NRXN3: variants seen among roughly 807,000 people sequenced by gnomAD.
NRXN3 encodes the protein neurexin III.
NRXN3 carries 32 observed loss-of-function variants against 137.6 expected under a neutral mutation model. That is an observed-to-expected ratio of 0.23 (90% CI 0.18 to 0.31). The LOEUF is 0.31. Among genes scored for constraint, NRXN3 ranks in the 10% least tolerant of loss-of-function variants. The pLI is 1.00. For missense variants in NRXN3, 1,574 were observed against 2,062.5 expected, an observed-to-expected ratio of 0.76 and a Z score of 4.59; for synonymous variants, 798 against 784.5, an observed-to-expected ratio of 1.02 and a Z score of -0.29.
At chr14:78,632,227 G>C (rs1046675786) in intron 4 of NRXN3, among the ~76,000 whole-genome samples, 3 of 149,836 alleles carry the variant, frequency 2.0e-5, no homozygotes, top group Non-Finnish European at 4.4e-5. Flanking sequence ...TTTTCCTATT[G>C]TTTTATGATC....
At chr14:78,621,772 C>A (rs950432650) in intron 4 of NRXN3, among the ~76,000 whole-genome samples, 2 of 152,160 alleles carry the variant, frequency 1.3e-5, no homozygotes, top group African/African-American at 4.8e-5. Flanking sequence ...CTTGCATCTG[C>A]GGTTTGCTGT....
rs918446554 is a variant in NRXN3 at position 78,229,151 on chromosome 14, A to G, written c.-703-13240A>G. ...GAAACTGTTCTTTGGGACTCTGTAG[A>G]GTTTCACACTATAAAATCTTGATGA... On this transcript the variant is annotated intron_variant, in intron 1 of 20. Transcript: ENST00000335750. Among the ~76,000 whole-genome samples the G allele has an allele frequency of 3.3e-5, 5 of 152,028 alleles. No individual in the cohort carries two copies. In the South Asian group the frequency reaches 8.3e-4, roughly 25 times the overall value.
At chr14:79,613,846 C>T (rs142271358) in intron 16 of NRXN3, among the ~76,000 whole-genome samples, 100 of 152,358 alleles carry the variant, frequency 6.6e-4, no homozygotes, top group African/African-American at 2.2e-3. Flanking sequence ...CACTAAACCA[C>T]GGCTGAAATA....
intron 16 of NRXN3, among the ~76,000 whole-genome samples, chr14:79,651,578 A>C (rs944130919): frequency 6.6e-6 from 1 of 152,142 alleles, no homozygotes; most frequent in African/African-American, 2.4e-5. Flanking sequence ...CATTGAAATG[A>C]ATCAACACAA....
chr14:78,181,355 A>G (rs1203277621), intron 1 of NRXN3, among the ~76,000 whole-genome samples: 1 of 149,706 alleles, frequency 6.7e-6, no homozygotes, highest in Non-Finnish European at 1.5e-5. Context: ...GGAGATCTCT[A>G]GGGGTAGCCC....
chr14:78,596,613 A>G (rs992903850), intron 4 of NRXN3, among the ~76,000 whole-genome samples: 1 of 152,190 alleles, frequency 6.6e-6, no homozygotes, highest in Non-Finnish European at 1.5e-5. Flanking sequence ...GAACCATTAG[A>G]ATTCTGTACA....
At chr14:78,681,853 C>T (rs957471441) in intron 6 of NRXN3, among the ~76,000 whole-genome samples, 9 of 152,038 alleles carry the variant, frequency 5.9e-5, no homozygotes, top group East Asian at 1.9e-4. Context: ...GATTGATACT[C>T]GGTTTTGTTT....
intron 16 of NRXN3, among the ~76,000 whole-genome samples, chr14:79,576,461 G>GA (rs1167007453): frequency 1.3e-5 from 2 of 151,990 alleles, no homozygotes; most frequent in African/African-American, 2.4e-5. Flanking sequence ...CTAAGCAAAA[G>GA]AAAAAAGGAA....
At chr14:79,324,962 C>T (rs1158643946) in intron 15 of NRXN3, among the ~76,000 whole-genome samples, 1 of 152,108 alleles carries the variant, frequency 6.6e-6, no homozygotes, top group Non-Finnish European at 1.5e-5. Flanking sequence ...TTAAAAGCTC[C>T]AGTTGCCCTT....
At chr14:78,891,245 A>G (rs1380875149) in intron 10 of NRXN3, among the ~76,000 whole-genome samples, 2 of 151,916 alleles carry the variant, frequency 1.3e-5, no homozygotes, top group African/African-American at 4.8e-5. Flanking sequence ...CTCCTTCAGT[A>G]TTTATAACAA....
intron 15 of NRXN3, among the ~76,000 whole-genome samples, chr14:79,390,890 A>T (rs543221260): frequency 6.6e-6 from 1 of 152,136 alleles, no homozygotes; most frequent in Admixed American, 6.5e-5. Context: ...AATTAATGTC[A>T]TTATCACAGG....
At chr14:79,575,590 C>T (rs2097656589) in intron 16 of NRXN3, among the ~76,000 whole-genome samples, 1 of 152,108 alleles carries the variant, frequency 6.6e-6, no homozygotes, top group African/African-American at 2.4e-5. Context: ...ATCATTGGGA[C>T]TCAACTTTTG....
intron 2 of NRXN3, among the ~76,000 whole-genome samples, chr14:78,277,966 G>C (rs2073844855): frequency 7.9e-5 from 12 of 152,232 alleles, no homozygotes; most frequent in Admixed American, 7.9e-4. Flanking sequence ...AAAAATTAAA[G>C]TAGGAGGCAG....
intron 16 of NRXN3, among the ~76,000 whole-genome samples, chr14:79,496,676 T>A (rs898229587): frequency 3.3e-5 from 5 of 152,208 alleles, no homozygotes; most frequent in African/African-American, 1.2e-4. Flanking sequence ...AATGTTGATT[T>A]TGGAGCGAGT....
At chr14:79,571,886 A>G (rs1202399187) in intron 16 of NRXN3, among the ~76,000 whole-genome samples, 2 of 152,134 alleles carry the variant, frequency 1.3e-5, no homozygotes. Context: ...TAACAAAAAT[A>G]TAGTCTACTG....
chr14:79,377,679 C>A (rs2153448292), intron 15 of NRXN3, among the ~76,000 whole-genome samples: 1 of 152,248 alleles, frequency 6.6e-6, no homozygotes, highest in African/African-American at 2.4e-5. Flanking sequence ...TCACTTGAAC[C>A]CAGGAGGCAG....
At chr14:79,785,885 C>T (rs1054093925) in intron 19 of NRXN3, among the ~76,000 whole-genome samples, 3 of 151,928 alleles carry the variant, frequency 2.0e-5, no homozygotes, top group Non-Finnish European at 4.4e-5. Flanking sequence ...ATCTGCTGAA[C>T]CATCTCTTAA....
chr14:79,668,024 T>G (rs1382695578), intron 17 of NRXN3, among the ~76,000 whole-genome samples: 1 of 151,964 alleles, frequency 6.6e-6, no homozygotes, highest in Non-Finnish European at 1.5e-5. Context: ...GCTTCAATCT[T>G]TGTATGTCAG....
intron 4 of NRXN3, among the ~76,000 whole-genome samples, chr14:78,623,859 A>G (rs1051103535): frequency 4.6e-5 from 7 of 152,190 alleles, no homozygotes; most frequent in African/African-American, 1.7e-4. Context: ...TGCGTGAGCC[A>G]TGGCACCCGG....
Sources: gnomAD v4.1 joint callset for allele counts (sites outside exome capture counted in the v4.1 genomes callset) on GRCh38, gnomAD v4.1.1 for gene constraint, MANE v1.5 for transcripts, NCBI Gene and HGNC (gene_info 2026-07-23, HGNC 2026-07-21) for gene names.